CNTN5: variants seen among roughly 807,000 people sequenced by gnomAD.
CNTN5 encodes the protein contactin-5.
Under a neutral mutation model 129.1 loss-of-function variants are expected in CNTN5, and 77 were observed. That is an observed-to-expected ratio of 0.60 (90% CI 0.50 to 0.72). The LOEUF (loss-of-function observed/expected upper bound fraction) is 0.72, where lower values mean the gene tolerates loss of function less well. Among genes scored for constraint, CNTN5 ranks in the 30% least tolerant of loss-of-function variants. The pLI, the probability that CNTN5 is intolerant of heterozygous loss-of-function variation, is 0.00. For synonymous variants in CNTN5, 509 were observed against 465.6 expected, an observed-to-expected ratio of 1.09 and a Z score of -1.20; for missense variants, 1,478 against 1,328.8, an observed-to-expected ratio of 1.11 and a Z score of -1.75.
intron 2 of CNTN5, among the ~76,000 whole-genome samples, chr11:99,355,509 AAGGTT>A (rs1274312281): frequency 1.3e-5 from 2 of 152,098 alleles, no homozygotes; most frequent in African/African-American, 4.8e-5. Flanking sequence ...TGAATTTGGA[AAGGTT>A]AGAGCTGCAG....
intron 13 of CNTN5, among the ~76,000 whole-genome samples, chr11:100,113,874 G>A (rs539602888): frequency 9.2e-5 from 14 of 151,912 alleles, no homozygotes; most frequent in East Asian, 5.8e-4. Flanking sequence ...ACCTTTTAGC[G>A]TATGTCTCAT....
intron 2 of CNTN5, among the ~76,000 whole-genome samples, chr11:99,503,927 C>A (rs1369290735): frequency 2.0e-5 from 3 of 152,062 alleles, no homozygotes; most frequent in Non-Finnish European, 4.4e-5. Context: ...GTTTAAATTA[C>A]AATGTATTTG....
At chr11:99,474,544 A>G (rs2135286890) in intron 2 of CNTN5, among the ~76,000 whole-genome samples, 1 of 152,210 alleles carries the variant, frequency 6.6e-6, no homozygotes, top group Non-Finnish European at 1.5e-5. Flanking sequence ...AAAATTTGAC[A>G]ATTTATTTTA....
At chr11:99,224,676 T>TC (rs1187862413) in intron 1 of CNTN5, among the ~76,000 whole-genome samples, 1 of 149,734 alleles carries the variant, frequency 6.7e-6, no homozygotes, top group Non-Finnish European at 1.5e-5. Flanking sequence ...TTTTTTTTTT[T>TC]TGAGACAGTC....
At chr11:99,794,314 T>G (rs1945858750) in intron 3 of CNTN5, among the ~76,000 whole-genome samples, 1 of 152,086 alleles carries the variant, frequency 6.6e-6, no homozygotes, top group African/African-American at 2.4e-5. Context: ...AAAGTATGGG[T>G]GTCACTGCAT....
intron 13 of CNTN5, among the ~76,000 whole-genome samples, chr11:100,168,927 AC>A (rs138263401): frequency 0.036 from 5,490 of 151,790 alleles, 309 homozygotes; most frequent in African/African-American, 0.12. Context: ...TTTGATTCCA[AC>A]CCTTAGGGAT....
At chr11:100,343,971 A>G (rs1591530833) in intron 23 of CNTN5, among the ~76,000 whole-genome samples, 1 of 152,136 alleles carries the variant, frequency 6.6e-6, no homozygotes, top group Non-Finnish European at 1.5e-5. Flanking sequence ...GGCTTGACCC[A>G]TTAAAACTGA....
chr11:99,893,193 T>C (rs900420397), intron 6 of CNTN5, among the ~76,000 whole-genome samples: 1 of 152,154 alleles, frequency 6.6e-6, no homozygotes, highest in Non-Finnish European at 1.5e-5. Flanking sequence ...CACTTTTAAA[T>C]TTTACAGTGG....
chr11:100,347,904 C>A (rs1428405397), intron 23 of CNTN5, among the ~76,000 whole-genome samples: 1 of 151,962 alleles, frequency 6.6e-6, no homozygotes, highest in African/African-American at 2.4e-5. Context: ...AAAATTTATT[C>A]TGTCATATTT....
At chr11:99,157,672 G>A (rs752838945) in intron 1 of CNTN5, among the ~76,000 whole-genome samples, 3 of 152,078 alleles carry the variant, frequency 2.0e-5, no homozygotes, top group African/African-American at 7.2e-5. Flanking sequence ...AAACTTCCAT[G>A]TCTCTATGTT....
At chr11:100,164,543 A>AAG (rs1326518263) in intron 13 of CNTN5, among the ~76,000 whole-genome samples, 2 of 151,938 alleles carry the variant, frequency 1.3e-5, no homozygotes, top group East Asian at 3.9e-4. Context: ...TGAACAACTA[A>AAG]AGAGAAGTCC....
intron 18 of CNTN5, among the ~76,000 whole-genome samples, chr11:100,295,160 A>C (rs1951076202): frequency 6.6e-6 from 1 of 151,634 alleles, no homozygotes; most frequent in African/African-American, 2.4e-5. Context: ...TTGTTCATTA[A>C]AATTGGAGGT....
At chr11:99,522,828 T>C (rs916578734) in intron 2 of CNTN5, among the ~76,000 whole-genome samples, 2 of 152,186 alleles carry the variant, frequency 1.3e-5, no homozygotes, top group African/African-American at 4.8e-5. Flanking sequence ...TGTAATAGCC[T>C]TAACTCCTCT....
chr11:100,199,513 C>T (rs1015808205), intron 15 of CNTN5, among the ~76,000 whole-genome samples: 2 of 151,838 alleles, frequency 1.3e-5, no homozygotes. Context: ...AGGACAGAAA[C>T]ATACAGTAAC....
chr11:100,327,619 C>T (rs1951817680), intron 21 of CNTN5, among the ~76,000 whole-genome samples: 1 of 152,106 alleles, frequency 6.6e-6, no homozygotes, highest in African/African-American at 2.4e-5. Flanking sequence ...CAGATCGTGC[C>T]CTAAGTAGAC....
intron 6 of CNTN5, among the ~76,000 whole-genome samples, chr11:99,897,028 A>C (rs1283945488): frequency 6.6e-6 from 1 of 152,158 alleles, no homozygotes; most frequent in Non-Finnish European, 1.5e-5. Flanking sequence ...CATAGCGAGC[A>C]TCTGAACTAG....
At chr11:99,523,965 T>C (rs72993126) in intron 2 of CNTN5, among the ~76,000 whole-genome samples, 19,073 of 152,238 alleles carry the variant, frequency 0.13, 1,413 homozygotes, top group East Asian at 0.21. Context: ...ACTTCTTCCA[T>C]AATCTCTTTT....
chr11:99,535,125 G>A (rs1189947522), intron 2 of CNTN5, among the ~76,000 whole-genome samples: 3 of 152,182 alleles, frequency 2.0e-5, no homozygotes, highest in Non-Finnish European at 4.4e-5. Flanking sequence ...GCTTGGTGAA[G>A]TGATTACATT....
At chr11:99,847,250 C>T (rs1005286634) in intron 6 of CNTN5, among the ~76,000 whole-genome samples, 2 of 152,152 alleles carry the variant, frequency 1.3e-5, no homozygotes, top group Admixed American at 6.5e-5. Flanking sequence ...TTTACATATC[C>T]ATATGACTGT....
Sources: allele counts gnomAD v4.1 joint callset (sites outside exome capture counted in the v4.1 genomes callset), GRCh38; gene constraint gnomAD v4.1.1; transcripts MANE v1.5; gene names NCBI Gene and HGNC (gene_info 2026-07-23, HGNC 2026-07-21).